Variants in ELP4 observed in about 807,000 individuals in gnomAD.
ELP4 encodes the protein elongator complex protein 4.
A neutral mutation model predicts 48.9 loss-of-function variants in ELP4; 51 were observed. That is an observed-to-expected ratio of 1.04 (90% CI 0.83 to 1.32). The LOEUF is 1.32. Ranked by LOEUF, ELP4 falls within the 40% of genes most tolerant of loss-of-function variation. The pLI is 0.00. For missense variants in ELP4, 519 were observed against 514.6 expected (o/e 1.01, Z -0.08); for synonymous variants, 210 against 189.2 (o/e 1.11, Z -0.90).
intron 9 of ELP4, chr11:31,720,031 GT>G (rs1431338053): frequency 4.6e-5 from 7 of 151,808 alleles, no homozygotes; most frequent in Non-Finnish European, 5.9e-5. Flanking sequence ...AGTGTTTTTT[GT>G]GTTAAAAGCT....
chr11:31,726,692 C>G (rs1459202533), intron 9 of ELP4, among the ~76,000 whole-genome samples: 1 of 151,934 alleles, frequency 6.6e-6, no homozygotes, highest in East Asian at 1.9e-4. Flanking sequence ...GAAAAGAAAA[C>G]ACCACATTAC....
intron 3 of ELP4, among the ~76,000 whole-genome samples, chr11:31,582,541 CTT>C (rs1270684500): frequency 1.3e-5 from 2 of 151,980 alleles, no homozygotes; most frequent in Non-Finnish European, 2.9e-5. Context: ...ATTTTTGAGA[CTT>C]TTTTTCTGCT....
At chr11:31,565,371 A>G (rs1957092810) in intron 3 of ELP4, among the ~76,000 whole-genome samples, 1 of 150,464 alleles carries the variant, frequency 6.6e-6, no homozygotes, top group Non-Finnish European at 1.5e-5. Context: ...GAAGCTCTTT[A>G]GTTTAATTAG....
intron 9 of ELP4, among the ~76,000 whole-genome samples, chr11:31,730,970 GAA>G (rs879362700): frequency 1.4e-5 from 2 of 141,676 alleles, no homozygotes; most frequent in Admixed American, 1.4e-4. Flanking sequence ...ACAAGCTCCT[GAA>G]AAAAAAAAAG....
Position 31,703,621 on chromosome 11 carries a change from A to G in ELP4, c.1143+53400A>G, listed in dbSNP as rs1205874251. Among the ~76,000 whole-genome samples the G allele has an allele frequency of 2.6e-5, 4 of 152,136 alleles. No homozygotes were observed. The East Asian group carries it at 7.7e-4, about 29-fold the overall frequency. On this transcript the variant is annotated intron_variant, in intron 9 of 9. Transcript: ENST00000640961. ...ATCTCTTCTCTTCAAGGTACAAGTT[A>G]CCCTTAAACTCTTCTCTCCAGGTAC...
chr11:31,684,388 C>G (rs1565110875), intron 9 of ELP4, among the ~76,000 whole-genome samples: 1 of 151,968 alleles, frequency 6.6e-6, no homozygotes, highest in African/African-American at 2.4e-5. Context: ...TGTATTTTTA[C>G]TAGAGATGGG....
Position 31,696,388 on chromosome 11 carries a change from G to A in ELP4, c.1143+46167G>A, listed in dbSNP as rs182435015. 1.8e-4 allele frequency among the ~76,000 whole-genome samples: 27 copies of A among 151,776 alleles called. No individual in the cohort carries two copies. In the East Asian group the frequency reaches 4.5e-3, roughly 25 times the overall value. ...TTATGTCTTTGTTCTCATTGGTTTC[G>A]AAGAACATCTTTATTTCTGCCTTCA... On this transcript the variant is annotated intron_variant, in intron 9 of 9. Coordinates refer to ENST00000640961, the MANE Select transcript of ELP4 (RefSeq NM_019040.5).
chr11:31,673,281 G>T (rs1010761305), intron 9 of ELP4, among the ~76,000 whole-genome samples: 2 of 151,962 alleles, frequency 1.3e-5, no homozygotes, highest in African/African-American at 4.8e-5. Flanking sequence ...ATCCCAAAGT[G>T]CTGGGATTAC....
At chr11:31,771,431 CT>C (rs1265409141) in intron 9 of ELP4, among the ~76,000 whole-genome samples, 2 of 152,136 alleles carry the variant, frequency 1.3e-5, no homozygotes, top group East Asian at 3.9e-4. Context: ...GCTCACATCA[CT>C]TCCTTGCTAC....
At chr11:31,542,783 G>A (rs1956613474) in intron 3 of ELP4, among the ~76,000 whole-genome samples, 4 of 151,964 alleles carry the variant, frequency 2.6e-5, no homozygotes, top group Admixed American at 2.6e-4. Flanking sequence ...TAATAGACAT[G>A]CAAAGAAATA....
At chr11:31,700,860 A>G (rs1385906731) in intron 9 of ELP4, among the ~76,000 whole-genome samples, 2 of 152,090 alleles carry the variant, frequency 1.3e-5, no homozygotes, top group Non-Finnish European at 1.5e-5. Context: ...GTAGAAAGAA[A>G]TACTAGAAAA....
intron 1 of ELP4, among the ~76,000 whole-genome samples, chr11:31,515,029 G>GTATATATA (rs1173108055): frequency 2.3e-5 from 3 of 132,760 alleles, no homozygotes; most frequent in African/African-American, 8.5e-5. Context: ...GTGTGTGTGT[G>GTATATATA]TGTGTATATA....
chr11:31,730,781 C>A (rs1947168925), intron 9 of ELP4, among the ~76,000 whole-genome samples: 1 of 152,054 alleles, frequency 6.6e-6, no homozygotes, highest in Non-Finnish European at 1.5e-5. Flanking sequence ...GTTCAACATT[C>A]TAGCATTTTA....
intron 5 of ELP4, among the ~76,000 whole-genome samples, chr11:31,613,350 A>G (rs1958017915): frequency 6.6e-6 from 1 of 152,184 alleles, no homozygotes; most frequent in Admixed American, 6.6e-5. Flanking sequence ...TAAGCTCATG[A>G]AAGACTGCAA....
chr11:31,763,329 T>C lies in ELP4; in HGVS notation c.1144-20064T>C, dbSNP rs1359591439. On this transcript the variant is annotated intron_variant, in intron 9 of 9. Transcript: ENST00000640961. ...ACAATTGAGAAAGAAAATGAGATGT[T>C]AGCTTTTTCCCCCTCTAATCCTTCT... 2.4e-6 allele frequency: 3 copies of C among 1,250,238 alleles called. No homozygotes were observed. In the African/African-American group the frequency reaches 4.6e-5, roughly 19 times the overall value. The allele number at this position is 1,250,238 out of a possible 1,614,324, so 77.4% of individuals were successfully genotyped here. A position where few individuals can be genotyped will look rare whatever the true frequency, so the allele number is the denominator to read the frequency against.
chr11:31,676,324 T>G (rs907564767), intron 9 of ELP4, among the ~76,000 whole-genome samples: 1 of 152,192 alleles, frequency 6.6e-6, no homozygotes, highest in Non-Finnish European at 1.5e-5. Context: ...CAAATAGCAA[T>G]CTATCCCTAT....
intron 9 of ELP4, among the ~76,000 whole-genome samples, chr11:31,756,218 A>G (rs1170717184): frequency 2.0e-5 from 3 of 152,252 alleles, no homozygotes; most frequent in Non-Finnish European, 4.4e-5. Context: ...CCACACAAGA[A>G]TGATGTCCTT....
intron 9 of ELP4, among the ~76,000 whole-genome samples, chr11:31,752,849 A>G (rs12277784): frequency 0.3 from 44,775 of 149,440 alleles, 7,489 homozygotes; most frequent in African/African-American, 0.44. Flanking sequence ...AAAAAAAAAA[A>G]AAAGAACTGG....
chr11:31,522,117 A>G (rs1388559382), intron 2 of ELP4, among the ~76,000 whole-genome samples: 5 of 152,194 alleles, frequency 3.3e-5, no homozygotes, highest in Admixed American at 1.3e-4. Flanking sequence ...TTTAAGACAG[A>G]ATTATTCCTA....
Sources: gnomAD v4.1 joint callset for allele counts (sites outside exome capture counted in the v4.1 genomes callset) on GRCh38, gnomAD v4.1.1 for gene constraint, MANE v1.5 for transcripts, NCBI Gene and HGNC (gene_info 2026-07-23, HGNC 2026-07-21) for gene names.